Variants in XPNPEP3 observed in about 807,000 individuals in gnomAD.
The protein encoded by XPNPEP3 is X-prolyl aminopeptidase 3, also known as xaa-Pro aminopeptidase 3.
In XPNPEP3, 41 loss-of-function variants were observed where a neutral mutation model predicts 60.0. That is an observed-to-expected ratio of 0.68 (90% CI 0.53 to 0.89). The LOEUF (loss-of-function observed/expected upper bound fraction) is 0.89. XPNPEP3 is among the 40% of genes least tolerant of loss of function. The pLI, the probability that XPNPEP3 is intolerant of heterozygous loss-of-function variation, is 0.00. For missense variants in XPNPEP3, 598 were observed against 638.9 expected, an observed-to-expected ratio of 0.94 and a Z score of 0.69; for synonymous variants, 212 against 223.2, an observed-to-expected ratio of 0.95 and a Z score of 0.45.
chr22:40,858,776 C>T lies in XPNPEP3; in HGVS notation c.64+1531C>T, dbSNP rs532186994. Among the ~76,000 whole-genome samples, 8 of 152,048 alleles carry T rather than the reference C, an allele frequency of 5.3e-5. No homozygotes were observed. In the South Asian group the frequency reaches 8.3e-4, roughly 16 times the overall value. ...TGAACCCCTGACCTCGTGATCCACCCGCCTCGGCCTCCCAAAGTGCTGGGA... is the reference window on the plus strand; with the variant it reads ...TGAACCCCTGACCTCGTGATCCACCTGCCTCGGCCTCCCAAAGTGCTGGGA... On this transcript the variant is annotated intron_variant, in intron 1 of 9. Transcript: ENST00000357137.
chr22:40,862,472 A>G (rs1044996588), intron 1 of XPNPEP3: 1 of 986,116 alleles, frequency 1.0e-6, no homozygotes, highest in African/African-American at 1.7e-5. Context: ...ACGGGTGAAG[A>G]AAGTATTCAA....
chr22:40,862,112 T>A (rs2057953862), intron 1 of XPNPEP3: 11 of 1,494,048 alleles, frequency 7.4e-6, no homozygotes, highest in South Asian at 1.4e-5. Context: ...CACTTTTATG[T>A]TAAAGACAAT....
chr22:40,911,447 C>T (rs948001706), intron 6 of XPNPEP3, among the ~76,000 whole-genome samples: 104 of 151,704 alleles, frequency 6.9e-4, no homozygotes, highest in African/African-American at 2.4e-3. Flanking sequence ...TTGGTAAACA[C>T]GTGTAGAACT....
intron 4 of XPNPEP3, among the ~76,000 whole-genome samples, chr22:40,903,089 GA>G (rs2058141036): frequency 1.3e-5 from 2 of 152,184 alleles, no homozygotes; most frequent in South Asian, 4.1e-4. Context: ...TACCAGTACT[GA>G]CAAGCTGATA....
intron 3 of XPNPEP3, among the ~76,000 whole-genome samples, chr22:40,882,741 C>A (rs2146250974): frequency 6.6e-6 from 1 of 152,092 alleles, no homozygotes. Flanking sequence ...AAGACTCCAT[C>A]TCAAAAAAAA....
At chr22:40,917,132 C>CTA (rs1386449356) in intron 7 of XPNPEP3, 2 of 152,386 alleles carry the variant, frequency 1.3e-5, no homozygotes, top group East Asian at 3.9e-4. Context: ...TGGCATGCAC[C>CTA]TATAGTCTCA....
intron 4 of XPNPEP3, among the ~76,000 whole-genome samples, chr22:40,892,664 C>G (rs1338592277): frequency 2.0e-5 from 3 of 152,108 alleles, no homozygotes; most frequent in Non-Finnish European, 2.9e-5. Flanking sequence ...TGTACAACTG[C>G]TTTACTACAA....
intron 7 of XPNPEP3, among the ~76,000 whole-genome samples, chr22:40,921,977 C>CTT (rs931884267): frequency 8.0e-5 from 12 of 149,836 alleles, no homozygotes; most frequent in Admixed American, 4.7e-4. Flanking sequence ...GCTTTCTTGC[C>CTT]TTTTTTTTTA....
At chr22:40,924,720 G>T (rs1411759975) in intron 9 of XPNPEP3, among the ~76,000 whole-genome samples, 1 of 151,994 alleles carries the variant, frequency 6.6e-6, no homozygotes, top group East Asian at 1.9e-4. Flanking sequence ...ACGGGGTTTC[G>T]CCATGTTGGC....
At chr22:40,888,400 T>A (rs1251898888) in intron 4 of XPNPEP3, 1 of 441,416 alleles carries the variant, frequency 2.3e-6, no homozygotes, top group Admixed American at 2.4e-5. Context: ...CATGCCACTA[T>A]GCCTGCTAAT....
chr22:40,932,126 G>C lies in XPNPEP3; in HGVS notation c.*5691G>C, dbSNP rs993488172. 2 of 152,176 alleles carry C rather than the reference G, an allele frequency of 1.3e-5. No homozygotes were observed. The highest frequency in any genetic ancestry group is 2.4e-5 in the African/African-American group (1 of 41,428). 9.4% of individuals were successfully genotyped at this position (152,176 alleles called of 1,614,324 possible). On this transcript the variant is annotated 3_prime_UTR_variant, in exon 10 of 10. Transcript: ENST00000357137. ...GCACAGTGAGCTGTTCACCAGTCCA[G>C]CGGTGACCTCGGAGTCCTTTGTAAC...
At chr22:40,867,718 A>T (rs1225976999) in intron 1 of XPNPEP3, among the ~76,000 whole-genome samples, 3 of 152,132 alleles carry the variant, frequency 2.0e-5, no homozygotes, top group African/African-American at 7.2e-5. Flanking sequence ...AAAAATAAAT[A>T]AATGAATAAA....
In XPNPEP3 at chr22:40,931,858, G is replaced by A. The variant is rs1439842562; in HGVS notation, c.*5423G>A. On this transcript the variant is annotated 3_prime_UTR_variant, in exon 10 of 10. Transcript: ENST00000357137. ...GCTTTTTTCTCCGTTTTTGTAAGGT[G>A]AGAAAGGGAAAAACCTTCACCGTAG... 2 of 152,108 alleles carry A rather than the reference G, an allele frequency of 1.3e-5. No homozygotes were observed. Among genetic ancestry groups the A allele is most frequent in the African/African-American group, 2.4e-5 (1 of 41,410 alleles). The allele number at this position is 152,108 out of a possible 1,614,324, so 9.4% of individuals were successfully genotyped here. A position where few individuals can be genotyped will look rare whatever the true frequency, so the allele number is the denominator to read the frequency against.
At chr22:40,868,426 TGC>T (rs1276640685) in intron 1 of XPNPEP3, among the ~76,000 whole-genome samples, 1 of 146,008 alleles carries the variant, frequency 6.8e-6, no homozygotes, top group African/African-American at 2.7e-5. Flanking sequence ...TATATATGTG[TGC>T]GTGTGTGTGT....
Position 40,886,437 on chromosome 22 carries a change from G to C in XPNPEP3, c.714G>C (p.Gln238His). ...AGAACAAGGTTCGGGGTGTTCAGCA[G>C]CTGATACAGCGCCTCCGGCTGATCA... ...KSKNKVRGVQ[Q>H]LIQRLRLIKS... Residue 238 changes from glutamine to histidine, a missense_variant, in exon 4 of 10, where the codon CAG becomes CAC. Physicochemically the swap from Gln to His is conservative, Grantham distance 24 (BLOSUM62 0). Transcript: ENST00000357137. The C allele has an allele frequency of 1.2e-6, 2 of 1,614,182 alleles. No homozygotes were observed. Among genetic ancestry groups the C allele is most frequent in the Non-Finnish European group, 1.7e-6 (2 of 1,180,030 alleles).
chr22:40,924,610 GC>G, intron 9 of XPNPEP3, 128 bp downstream of exon 9: 1 of 1,359,416 alleles, frequency 7.4e-7, no homozygotes. Context: ...TGCAACCTCC[GC>G]CCCCCAGGTT....
chr22:40,870,357 G>A (rs758513178), intron 2 of XPNPEP3: 1 of 234,544 alleles, frequency 4.3e-6, no homozygotes, highest in East Asian at 1.3e-4. Flanking sequence ...TCTGTATCTA[G>A]ATTTTTTTGC....
intron 9 of XPNPEP3, 133 bp downstream of exon 9, chr22:40,924,615 CCAGGTT>C (rs1270737271): frequency 3.8e-6 from 5 of 1,318,116 alleles, no homozygotes; most frequent in African/African-American, 1.5e-5. Flanking sequence ...CCTCCGCCCC[CCAGGTT>C]CAGCAATTCT....
intron 2 of XPNPEP3, among the ~76,000 whole-genome samples, chr22:40,871,348 G>C (rs1438025620): frequency 6.6e-6 from 1 of 152,036 alleles, no homozygotes; most frequent in Non-Finnish European, 1.5e-5. Flanking sequence ...ATGAGACCGT[G>C]TCTCTCTCTC....
Sources: allele counts gnomAD v4.1 joint callset (sites outside exome capture counted in the v4.1 genomes callset), GRCh38; gene constraint gnomAD v4.1.1; transcripts MANE v1.5; gene names NCBI Gene and HGNC (gene_info 2026-07-23, HGNC 2026-07-21).